The following RBMS1 variants were observed in gnomAD, a reference collection of about 807,000 sequenced individuals.
RBMS1 encodes the protein RNA binding motif single stranded interacting protein 1.
In RBMS1, 17 loss-of-function variants were observed where a neutral mutation model predicts 62.3. The observed-to-expected ratio is 0.27, with a 90% CI of 0.19 to 0.41. The LOEUF (loss-of-function observed/expected upper bound fraction) is 0.41, where lower values mean the gene tolerates loss of function less well. Among genes scored for constraint, RBMS1 ranks in the 10% least tolerant of loss-of-function variants. RBMS1 has a pLI of 1.00. For missense variants in RBMS1, 334 were observed against 504.5 expected (o/e 0.66, Z 3.24); for synonymous variants, 172 against 170.0 (o/e 1.01, Z -0.09).
At chr2:160,436,607 C>A (rs1342752561) in intron 1 of RBMS1, among the ~76,000 whole-genome samples, 2 of 152,230 alleles carry the variant, frequency 1.3e-5, no homozygotes, top group Non-Finnish European at 2.9e-5. Context: ...CTTGCTACTT[C>A]TCCTTTTTAT....
At chr2:160,330,744 T>C (rs1691223640) in intron 2 of RBMS1, among the ~76,000 whole-genome samples, 1 of 151,958 alleles carries the variant, frequency 6.6e-6, no homozygotes, top group South Asian at 2.1e-4. Context: ...CTCTTGGGCC[T>C]TTCTGCTCAC....
intron 1 of RBMS1, among the ~76,000 whole-genome samples, chr2:160,393,416 T>C (rs1190673686): frequency 3.3e-5 from 5 of 152,228 alleles, no homozygotes; most frequent in East Asian, 1.9e-4. Flanking sequence ...CCTAACACAG[T>C]TCTTGGCCCA....
At chr2:160,464,182 T>G (rs2105335614) in intron 1 of RBMS1, among the ~76,000 whole-genome samples, 1 of 121,670 alleles carries the variant, frequency 8.2e-6, no homozygotes, top group South Asian at 2.5e-4. Context: ...CACACATGCA[T>G]ACAGAGATCC....
chr2:160,338,192 A>G (rs760297752), intron 2 of RBMS1, among the ~76,000 whole-genome samples: 6 of 152,208 alleles, frequency 3.9e-5, no homozygotes, highest in Non-Finnish European at 5.9e-5. Flanking sequence ...AGATTTTCAA[A>G]AAGTAAAACT....
rs920054162 is a variant in RBMS1 at position 160,452,504 on chromosome 2, A to G, written c.75+40785T>C. ...TAAATGCTATGTAAATAGTGGTTAT[A>G]CTATATTTTTTGTTGTTGTATTGTT... On this transcript the variant is annotated intron_variant, in intron 1 of 13. Coordinates refer to ENST00000348849, the MANE Select transcript of RBMS1 (RefSeq NM_016836.4). Among the ~76,000 whole-genome samples the G allele has an allele frequency of 3.3e-5, 5 of 152,334 alleles. No homozygotes were observed. The South Asian group carries it at 8.3e-4, about 25-fold the overall frequency.
At chr2:160,278,489 G>T (rs1870106) in intron 11 of RBMS1, 59 bp downstream of exon 11, 1 of 1,336,086 alleles carries the variant, frequency 7.5e-7, no homozygotes, top group Non-Finnish European at 1.1e-6. Context: ...GAAGATACAG[G>T]CTGCATTAAT....
intron 6 of RBMS1, among the ~76,000 whole-genome samples, chr2:160,288,327 C>T (rs1688511211): frequency 6.6e-6 from 1 of 152,154 alleles, no homozygotes; most frequent in Non-Finnish European, 1.5e-5. Flanking sequence ...TCTCCTGTGC[C>T]TCTTATTATC....
chr2:160,471,563 T>C (rs1461836973), intron 1 of RBMS1, among the ~76,000 whole-genome samples: 1 of 150,934 alleles, frequency 6.6e-6, no homozygotes, highest in Non-Finnish European at 1.5e-5. Flanking sequence ...TGAATCACAA[T>C]GCTGGGTTGT....
At chr2:160,345,050 G>A (rs996900464) in intron 2 of RBMS1, among the ~76,000 whole-genome samples, 7 of 152,108 alleles carry the variant, frequency 4.6e-5, no homozygotes, top group Non-Finnish European at 7.4e-5. Context: ...TTTTACGCCT[G>A]TTTTACAAGA....
chr2:160,421,134 ATTCTTTT>A (rs1481563037), intron 1 of RBMS1, among the ~76,000 whole-genome samples: 2 of 151,292 alleles, frequency 1.3e-5, no homozygotes, highest in Non-Finnish European at 3.0e-5. Flanking sequence ...ACTCTAACTT[ATTCTTTT>A]TTCTTTTTTT....
intron 1 of RBMS1, among the ~76,000 whole-genome samples, chr2:160,459,036 T>C (rs1684361502): frequency 6.6e-6 from 1 of 152,214 alleles, no homozygotes; most frequent in South Asian, 2.1e-4. Context: ...ACCTTGAGGA[T>C]ACTGTTTTGG....
At chr2:160,469,070 C>T (rs1261904324) in intron 1 of RBMS1, among the ~76,000 whole-genome samples, 3 of 152,148 alleles carry the variant, frequency 2.0e-5, no homozygotes, top group African/African-American at 7.2e-5. Flanking sequence ...GGATTCATGC[C>T]TTTGTACTTT....
At chr2:160,393,162 T>C (rs186310762) in intron 1 of RBMS1, among the ~76,000 whole-genome samples, 11 of 152,224 alleles carry the variant, frequency 7.2e-5, no homozygotes, top group African/African-American at 1.4e-4. Flanking sequence ...AAACAGCCCA[T>C]TGAGAACTCT....
intron 1 of RBMS1, among the ~76,000 whole-genome samples, chr2:160,421,713 G>A (rs1696438200): frequency 6.6e-6 from 1 of 152,198 alleles, no homozygotes; most frequent in African/African-American, 2.4e-5. Context: ...GATCCTTGAG[G>A]AATCGCCACA....
chr2:160,297,224 T>C (rs1379888613), intron 6 of RBMS1, among the ~76,000 whole-genome samples: 2 of 152,174 alleles, frequency 1.3e-5, no homozygotes, highest in African/African-American at 4.8e-5. Context: ...GGAGGGTGTA[T>C]GTGGCTTTTT....
chr2:160,476,850 G>A (rs1047050456), intron 1 of RBMS1, among the ~76,000 whole-genome samples: 33 of 152,126 alleles, frequency 2.2e-4, no homozygotes, highest in African/African-American at 7.0e-4. Context: ...CACCGCGCCC[G>A]GCCCAAAACA....
rs745408222 is a variant in RBMS1, at chr2:160,378,618, A to T, written c.76-11227T>A. On this transcript the variant is annotated intron_variant, in intron 1 of 13. Coordinates refer to ENST00000348849, the MANE Select transcript of RBMS1 (RefSeq NM_016836.4). ...GGCACCAAAGTAAGACTCTATCTATAAAAAAAAAAAAAAAGCACTTTGATG... is the reference window on the plus strand; with the variant it reads ...GGCACCAAAGTAAGACTCTATCTATTAAAAAAAAAAAAAAGCACTTTGATG... Among the ~76,000 whole-genome samples, 151 of 57,378 alleles carry T rather than the reference A, an allele frequency of 2.6e-3. 2 individuals carry two copies. In the South Asian group the frequency reaches 0.074, roughly 28 times the overall value. 37.6% of individuals were successfully genotyped at this position (57,378 alleles called of 152,430 possible).
intron 1 of RBMS1, chr2:160,407,670 G>T (rs1258121307): frequency 1.0e-6 from 1 of 982,004 alleles, no homozygotes. Flanking sequence ...CCGCGCGGCG[G>T]CGGCCGGCGG....
chr2:160,356,950 T>C (rs77437091), intron 2 of RBMS1, among the ~76,000 whole-genome samples: 2 of 152,152 alleles, frequency 1.3e-5, no homozygotes, highest in African/African-American at 4.8e-5. Context: ...GAATTTTTTT[T>C]CACATGCATT....
Sources: gnomAD v4.1 joint callset for allele counts (sites outside exome capture counted in the v4.1 genomes callset) on GRCh38, gnomAD v4.1.1 for gene constraint, MANE v1.5 for transcripts, NCBI Gene and HGNC (gene_info 2026-07-23, HGNC 2026-07-21) for gene names.